TAFA5: variants seen among roughly 807,000 people sequenced by gnomAD.
TAFA5 encodes TAFA chemokine like family member 5.
Under a neutral mutation model 15.3 loss-of-function variants are expected in TAFA5, and 6 were observed. That is an observed-to-expected ratio of 0.39 (90% CI 0.21 to 0.77). The LOEUF (loss-of-function observed/expected upper bound fraction) is 0.77, where lower values mean the gene tolerates loss of function less well. TAFA5 is among the 30% of genes least tolerant of loss of function. The pLI is 0.41. For missense variants in TAFA5, 161 were observed against 193.1 expected (o/e 0.83, Z 0.98); for synonymous variants, 103 against 80.7 (o/e 1.28, Z -1.48).
chr22:48,695,074 A>G (rs891307495), intron 2 of TAFA5, among the ~76,000 whole-genome samples: 2 of 151,464 alleles, frequency 1.3e-5, no homozygotes, highest in African/African-American at 4.9e-5. Context: ...CCTCTGAGAT[A>G]CCCCATTTCC....
At chr22:48,518,083 C>T (rs561736656) in intron 1 of TAFA5, among the ~76,000 whole-genome samples, 1 of 152,222 alleles carries the variant, frequency 6.6e-6, no homozygotes, top group Non-Finnish European at 1.5e-5. Flanking sequence ...AAGAATCCCC[C>T]AGGCCCACCA....
At chr22:48,689,666 G>C (rs377016792) in intron 2 of TAFA5, among the ~76,000 whole-genome samples, 85,190 of 151,424 alleles carry the variant, frequency 0.56, 24,195 homozygotes, top group Middle Eastern at 0.61. Context: ...CGGGCGGACA[G>C]ACTGGCCTGT....
intron 3 of TAFA5, among the ~76,000 whole-genome samples, chr22:48,725,763 A>T (rs1929697532): frequency 6.6e-6 from 1 of 151,830 alleles, no homozygotes; most frequent in Non-Finnish European, 1.5e-5. Context: ...AACAAAACAG[A>T]TAAAGAGAAG....
chr22:48,640,198 C>T (rs2337486), intron 1 of TAFA5, among the ~76,000 whole-genome samples: 11,222 of 152,256 alleles, frequency 0.074, 525 homozygotes, highest in Non-Finnish European at 0.11. Context: ...TGTCCTGGGA[C>T]GGTGGAGGCT....
intron 3 of TAFA5, 96 bp from the exon 4 acceptor site, chr22:48,749,743 C>G: frequency 7.0e-7 from 1 of 1,429,340 alleles, no homozygotes; most frequent in Non-Finnish European, 9.6e-7. Flanking sequence ...AGGAGGCCGG[C>G]TGGCAGGAGC....
chr22:48,489,727 C>CCCGGCA lies in TAFA5; in HGVS notation c.112+25_112+30dup. The CCCGGCA allele has an allele frequency of 7.3e-7, 1 of 1,375,674 alleles. No individual in the cohort carries two copies. Among genetic ancestry groups the CCCGGCA allele is most frequent in the Non-Finnish European group, 9.6e-7 (1 of 1,042,536 alleles). 85.2% of individuals were successfully genotyped at this position (1,375,674 alleles called of 1,614,324 possible). On this transcript the variant is annotated intron_variant, in intron 1 of 3. Transcript: ENST00000402357. This position sits in a 1 kb window ranked among gnomAD's most constrained non-coding sequence, Gnocchi z 5.5. ...GCAGTGAGTACCGCGCGGCCCCGGC[C>CCCGGCA]CCGGCACGGCCCTCTGGGCCCCGGA...
intron 3 of TAFA5, among the ~76,000 whole-genome samples, chr22:48,715,557 A>G (rs1929378491): frequency 6.6e-6 from 1 of 152,192 alleles, no homozygotes; most frequent in East Asian, 1.9e-4. Flanking sequence ...TCTCAGCCTT[A>G]GGGACATGTT....
rs1000893708 is a variant in TAFA5, at chr22:48,530,422, A to G, written c.112+40718A>G. 1.3e-4 allele frequency among the ~76,000 whole-genome samples: 20 copies of G among 152,202 alleles called. No homozygotes were observed. Among genetic ancestry groups the G allele is most frequent in the African/African-American group, 4.6e-4 (19 of 41,452 alleles). ...GGCACTGTCGTGGGGCCGGCATTCA[A>G]CTGAAAGGATTGGCTTCGAGTCTTG... is the stretch of plus-strand genomic sequence containing the variant. On this transcript the variant is annotated intron_variant, in intron 1 of 3. Transcript: ENST00000402357. The surrounding 1 kb of genome is among the most constrained non-coding windows in gnomAD (Gnocchi z 6.0).
chr22:48,711,495 C>T (rs1248617517), intron 3 of TAFA5, among the ~76,000 whole-genome samples: 3 of 152,028 alleles, frequency 2.0e-5, no homozygotes, highest in Non-Finnish European at 2.9e-5. Context: ...AATCACTGGC[C>T]TGTGGTGACC....
chr22:48,663,528 C>T (rs1017905813), intron 2 of TAFA5, among the ~76,000 whole-genome samples: 4 of 152,230 alleles, frequency 2.6e-5, no homozygotes, highest in African/African-American at 9.6e-5. Context: ...TGGCAGGAAA[C>T]TAAAATTGCA....
At chr22:48,747,245 C>T (rs1930354784) in intron 3 of TAFA5, among the ~76,000 whole-genome samples, 1 of 152,208 alleles carries the variant, frequency 6.6e-6, no homozygotes, top group Admixed American at 6.5e-5. Flanking sequence ...AGAATGAATG[C>T]CCTGTAGCCT....
intron 1 of TAFA5, among the ~76,000 whole-genome samples, chr22:48,527,059 T>C (rs1016618304): frequency 2.6e-5 from 4 of 152,252 alleles, no homozygotes; most frequent in East Asian, 3.8e-4. Flanking sequence ...ATGTGTGCAT[T>C]TGGAGAACTC....
intron 2 of TAFA5, among the ~76,000 whole-genome samples, chr22:48,685,904 A>T (rs2147233694): frequency 6.6e-6 from 1 of 151,992 alleles, no homozygotes; most frequent in East Asian, 1.9e-4. Flanking sequence ...GCCTTCCCTT[A>T]GTACACACAG....
At chr22:48,600,872 C>T (rs1207428683) in intron 1 of TAFA5, among the ~76,000 whole-genome samples, 1 of 152,094 alleles carries the variant, frequency 6.6e-6, no homozygotes, top group African/African-American at 2.4e-5. Flanking sequence ...ACTGTCGCGG[C>T]GAGGCTTGCG....
Position 48,550,666 on chromosome 22 carries a change from C to T in TAFA5, c.112+60962C>T, listed in dbSNP as rs1922824370. The stretch of plus-strand genomic sequence containing the variant: ...TCCCTTTGCAGGTTGGAACCTGCGG[C>T]TCCAAGGTGAGGTGGCTTGCCTGGG... On this transcript the variant is annotated intron_variant, in intron 1 of 3. Coordinates refer to ENST00000402357, the MANE Select transcript of TAFA5 (RefSeq NM_001082967.3). The surrounding 1 kb of genome is among the most constrained non-coding windows in gnomAD (Gnocchi z 4.1). Among the ~76,000 whole-genome samples, 1 of 152,170 alleles carries T rather than the reference C, an allele frequency of 6.6e-6. No individual in the cohort carries two copies. The highest frequency in any genetic ancestry group is 1.5e-5 in the Non-Finnish European group (1 of 68,018).
At chr22:48,747,250 T>A (rs1295671079) in intron 3 of TAFA5, among the ~76,000 whole-genome samples, 1 of 152,346 alleles carries the variant, frequency 6.6e-6, no homozygotes, top group East Asian at 1.9e-4. Context: ...GAATGCCCTG[T>A]AGCCTGAGTC....
At chr22:48,595,962 A>G (rs553244752) in intron 1 of TAFA5, among the ~76,000 whole-genome samples, 95 of 152,366 alleles carry the variant, frequency 6.2e-4, no homozygotes, top group Non-Finnish European at 1.1e-3. Flanking sequence ...TTCTGCTCTA[A>G]TTAAGCTCCA....
intron 1 of TAFA5, among the ~76,000 whole-genome samples, chr22:48,512,650 G>C (rs1315144312): frequency 6.6e-6 from 1 of 151,694 alleles, no homozygotes; most frequent in Non-Finnish European, 1.5e-5. Flanking sequence ...GCCGGGCGCG[G>C]TGGCTCATGC....
intron 1 of TAFA5, chr22:48,545,555 AT>A (rs1414132277): frequency 4.6e-5 from 7 of 153,784 alleles, no homozygotes; most frequent in African/African-American, 1.4e-4. Context: ...GTTATGGAGC[AT>A]CCTGTGTTGG....
Sources: allele counts gnomAD v4.1 joint callset (sites outside exome capture counted in the v4.1 genomes callset), GRCh38; gene constraint gnomAD v4.1.1; non-coding constraint Gnocchi (gnomAD v3.1); transcripts MANE v1.5; gene names NCBI Gene and HGNC (gene_info 2026-07-23, HGNC 2026-07-21).